CKAP5: variants seen among roughly 807,000 people sequenced by gnomAD.
CKAP5 encodes the protein cytoskeleton-associated protein 5.
CKAP5 carries 27 observed loss-of-function variants against 232.8 expected under a neutral mutation model. The observed-to-expected ratio is 0.12, with a 90% CI of 0.09 to 0.16. The LOEUF is 0.16. Ranked by LOEUF, CKAP5 falls within the 10% of genes least tolerant of loss-of-function variation. The probability of loss-of-function intolerance (pLI) is 1.00; values close to 1 mark genes in which losing one functional copy is unlikely to be tolerated. For synonymous variants in CKAP5, 785 were observed against 841.1 expected (o/e 0.93, Z 1.16); for missense variants, 1,838 against 2,424.7 (o/e 0.76, Z 5.08).
chr11:46,747,886 C>G (rs2065033866), intron 42 of CKAP5, among the ~76,000 whole-genome samples: 1 of 151,926 alleles, frequency 6.6e-6, no homozygotes, highest in South Asian at 2.1e-4. Context: ...AAGGAGAAAC[C>G]CTGTCTCTAC....
rs1046525457 is a variant in CKAP5, at chr11:46,782,120, C to T, written c.2249+1154G>A. On this transcript the variant is annotated intron_variant, in intron 18 of 43. Transcript: ENST00000529230. Reference sequence around the variant, plus strand: ...GATTACAAGCATGAGCCACCGCGCCCGGCCTGCCTGCCTCTCTGTCTCTGT... The same window carrying T: ...GATTACAAGCATGAGCCACCGCGCCTGGCCTGCCTGCCTCTCTGTCTCTGT... Among the ~76,000 whole-genome samples the T allele has an allele frequency of 4.6e-5, 7 of 152,136 alleles. No individual in the cohort carries two copies. The South Asian group carries it at 6.2e-4, about 13-fold the overall frequency.
intron 9 of CKAP5, among the ~76,000 whole-genome samples, chr11:46,799,135 G>T (rs1331424772): frequency 6.6e-6 from 1 of 151,922 alleles, no homozygotes; most frequent in African/African-American, 2.4e-5. Context: ...GAGTAGGTAG[G>T]CCTCAGGTAT....
chr11:46,759,464 T>C (rs753431121), intron 33 of CKAP5, 22 bp from the exon 34 acceptor site: 1 of 1,603,324 alleles, frequency 6.2e-7, no homozygotes, highest in South Asian at 1.1e-5. Context: ...AAAAGGAGGC[T>C]CCTGAACTAA....
intron 1 of CKAP5, among the ~76,000 whole-genome samples, chr11:46,845,917 G>C (rs1336041397): frequency 6.6e-6 from 1 of 151,792 alleles, no homozygotes; most frequent in Non-Finnish European, 1.5e-5. Flanking sequence ...GCTGCCGCCA[G>C]GCGCGGCCCT....
chr11:46,772,282 T>A lies in CKAP5; in HGVS notation c.2992-1300A>T, dbSNP rs1306107837. On this transcript the variant is annotated intron_variant, in intron 24 of 43. Transcript: ENST00000529230. ...TTGTTTTATTATTTTCATGTGGTTTTTTTTGCAGAGTAAAAGTTTTTAATT... is the reference window on the plus strand; with the variant it reads ...TTGTTTTATTATTTTCATGTGGTTTATTTTGCAGAGTAAAAGTTTTTAATT... Among the ~76,000 whole-genome samples the A allele has an allele frequency of 2.0e-5, 3 of 152,132 alleles. No homozygotes were observed. The East Asian group carries it at 5.8e-4, about 29-fold the overall frequency.
chr11:46,753,647 C>T (rs139529809), intron 36 of CKAP5, 150 bp from the exon 37 acceptor site: 369 of 566,584 alleles, frequency 6.5e-4, no homozygotes, highest in Non-Finnish European at 1.0e-3. Context: ...GTGCCAGTGG[C>T]GTGATCTTGG....
chr11:46,787,179 A>G (rs1049126507), intron 16 of CKAP5, among the ~76,000 whole-genome samples: 1 of 152,278 alleles, frequency 6.6e-6, no homozygotes, highest in East Asian at 1.9e-4. Flanking sequence ...AGGTGGTGTG[A>G]GAGGAAGAGG....
At chr11:46,802,844 G>A (rs902854363) in intron 8 of CKAP5, among the ~76,000 whole-genome samples, 1 of 152,088 alleles carries the variant, frequency 6.6e-6, no homozygotes, top group African/African-American at 2.4e-5. Flanking sequence ...GAGGAATAAG[G>A]ATAAAGAAAC....
At chr11:46,784,189 C>A (rs1312756783) in intron 17 of CKAP5, among the ~76,000 whole-genome samples, 2 of 151,744 alleles carry the variant, frequency 1.3e-5, no homozygotes, top group Non-Finnish European at 2.9e-5. Flanking sequence ...GCCAACGTGG[C>A]GAAATCCTGT....
rs539731635 is a variant in CKAP5, at chr11:46,772,738, T to TTTTTTTTTTG, written c.2992-1757_2992-1756insCAAAAAAAAA. On this transcript the variant is annotated intron_variant, in intron 24 of 43. Coordinates refer to ENST00000529230, the MANE Select transcript of CKAP5 (RefSeq NM_001008938.4). The stretch of plus-strand genomic sequence containing the variant: ...CTAATTGTAAAGTGATTCCTCTTTT[T>TTTTTTTTTTG]TTTTTTTGTTTTTTTGTTTTTGAGA... Among the ~76,000 whole-genome samples the TTTTTTTTTTG allele has an allele frequency of 2.5e-3, 381 of 152,004 alleles. 1 individual carries two copies. The highest frequency in any genetic ancestry group is 8.7e-3 in the African/African-American group (362 of 41,446).
At chr11:46,802,090 C>T (rs980590860) in intron 8 of CKAP5, 1 of 152,158 alleles carries the variant, frequency 6.6e-6, no homozygotes, top group Admixed American at 6.5e-5. Flanking sequence ...ATTGTGAATG[C>T]TACTGCATTC....
Position 46,762,614 on chromosome 11 carries a change from CTGTT to C in CKAP5, c.4027+9_4027+12del. 6.2e-7 allele frequency: 1 copy of C among 1,613,846 alleles called. No homozygotes were observed. The highest frequency in any genetic ancestry group is 1.6e-4 in the Middle Eastern group (1 of 6,062). ...GCAGAGATTCACATCTCAGTTTAAA[CTGTT>C]TGCTTCACCTGCTCTCTGCTTAGAG... On this transcript the variant is annotated intron_variant, in intron 31 of 43. Transcript: ENST00000529230.
intron 42 of CKAP5, among the ~76,000 whole-genome samples, chr11:46,746,607 A>C (rs2065024173): frequency 6.6e-6 from 1 of 152,246 alleles, no homozygotes; most frequent in African/African-American, 2.4e-5. Context: ...GAGAAGGTAC[A>C]GTAAGAATGT....
rs959526129 is a variant in CKAP5, at chr11:46,789,967, G to A, written c.1875+109C>T. ...CCTCATCTTTAATGCCATAAAACGT[G>A]TTCACCGGTTATAAAACACAGCAAT... On this transcript the variant is annotated intron_variant, in intron 15 of 43. Transcript: ENST00000529230. 2.7e-5 allele frequency: 18 copies of A among 666,336 alleles called. No individual in the cohort carries two copies. The South Asian group carries it at 3.3e-4, about 12-fold the overall frequency. The allele number at this position is 666,336 out of a possible 1,614,324, so 41.3% of individuals were successfully genotyped here.
chr11:46,772,687 C>G (rs2065257446), intron 24 of CKAP5, among the ~76,000 whole-genome samples: 1 of 151,820 alleles, frequency 6.6e-6, no homozygotes. Context: ...ATCACAGTGT[C>G]TTGATTACAT....
chr11:46,846,108 G>A (rs956127131), intron 1 of CKAP5, 112 bp downstream of exon 1: 1 of 151,908 alleles, frequency 6.6e-6, no homozygotes, highest in East Asian at 1.9e-4. Flanking sequence ...CGTGGGGCAA[G>A]TGGGGCGCGC....
chr11:46,757,966 C>T (rs764502429), intron 35 of CKAP5, among the ~76,000 whole-genome samples: 1 of 151,106 alleles, frequency 6.6e-6, no homozygotes, highest in African/African-American at 2.4e-5. Flanking sequence ...CAGCTCACTG[C>T]AGCCTCAACC....
chr11:46,799,917 C>T (rs1380168770), intron 9 of CKAP5, among the ~76,000 whole-genome samples: 1 of 152,042 alleles, frequency 6.6e-6, no homozygotes, highest in African/African-American at 2.4e-5. Context: ...GGGAGGATCA[C>T]CTGCGCCTAG....
At position 46,758,694 on chromosome 11, in the gene CKAP5, G is replaced by A. The variant is rs534966713; in HGVS notation, c.4689+229C>T. The A allele has an allele frequency of 1.5e-4, 59 of 405,082 alleles. 2 individuals carry two copies. The South Asian group carries it at 2.0e-3, about 14-fold the overall frequency. The allele number at this position is 405,082 out of a possible 1,614,324, so 25.1% of individuals were successfully genotyped here. ...TGTACTCCAGCCTGGACAACATAGT[G>A]AGACCTGGTCTCAAAAGAGGAAAAA... On this transcript the variant is annotated intron_variant, in intron 35 of 43. Coordinates refer to ENST00000529230, the MANE Select transcript of CKAP5 (RefSeq NM_001008938.4).
Sources: allele counts gnomAD v4.1 joint callset (sites outside exome capture counted in the v4.1 genomes callset), GRCh38; gene constraint gnomAD v4.1.1; transcripts MANE v1.5; gene names NCBI Gene and HGNC (gene_info 2026-07-23, HGNC 2026-07-21).